The following C4orf50 variants were observed in gnomAD, a reference collection of about 807,000 sequenced individuals.
The protein encoded by C4orf50 is uncharacterized protein C4orf50.
Under a neutral mutation model 77.2 loss-of-function variants are expected in C4orf50, and 80 were observed. The observed-to-expected ratio is 1.04, with a 90% CI of 0.87 to 1.25. The LOEUF (loss-of-function observed/expected upper bound fraction) is 1.25. Among genes scored for constraint, C4orf50 ranks in the 50% most tolerant of loss-of-function variants. The probability of loss-of-function intolerance (pLI) is 0.00; values close to 1 mark genes in which losing one functional copy is unlikely to be tolerated. For synonymous variants in C4orf50, 532 were observed against 465.3 expected, an observed-to-expected ratio of 1.14 and a Z score of -1.84; for missense variants, 1,257 against 1,152.9, an observed-to-expected ratio of 1.09 and a Z score of -1.31.
chr4:5,954,858 G>A (rs1718882663), downstream of C4orf50, among the ~76,000 whole-genome samples: 1 of 152,152 alleles, frequency 6.6e-6, no homozygotes, highest in Admixed American at 6.5e-5. This position sits in a 1 kb window ranked among gnomAD's most constrained non-coding sequence, Gnocchi z 4.7. Context: ...CAGAGATGCT[G>A]GTTGGGAGAG....
intron 7 of C4orf50, among the ~76,000 whole-genome samples, chr4:5,929,390 G>C (rs777464557): frequency 9.9e-5 from 15 of 152,134 alleles, no homozygotes; most frequent in Non-Finnish European, 1.9e-4. Flanking sequence ...CAACAACCAA[G>C]GTAGCCAGAA....
rs546955581 is a variant in C4orf50, at chr4:5,992,821, G to A, written c.1203C>T (p.Ala401=). 67 of 399,124 alleles carry A rather than the reference G, an allele frequency of 1.7e-4. No individual in the cohort carries two copies. Among genetic ancestry groups the A allele is most frequent in the Non-Finnish European group, 2.7e-4 (61 of 226,126 alleles). 24.7% of individuals were successfully genotyped at this position (399,124 alleles called of 1,614,324 possible). ...GCCTCACCTGTTCACGGTTGGATCC[G>A]GCCAGGTCTCTGGGGAGCTCGCTTG... The change falls in exon 27 of 34, where the codon GCC becomes GCT. Residue 401 remains alanine, a synonymous_variant. Coordinates refer to ENST00000531445, the Ensembl canonical transcript of C4orf50. The surrounding 1 kb of genome is among the most constrained non-coding windows in gnomAD (Gnocchi z 5.0).
chr4:5,910,791 T>C (rs1716769309), intron 7 of C4orf50, among the ~76,000 whole-genome samples: 1 of 152,158 alleles, frequency 6.6e-6, no homozygotes, highest in African/African-American at 2.4e-5. Context: ...GCTCTCTTTT[T>C]TGTTGTTGTC....
downstream of C4orf50, among the ~76,000 whole-genome samples, chr4:5,953,009 A>G (rs972786176): frequency 4.6e-5 from 7 of 152,126 alleles, no homozygotes; most frequent in Middle Eastern, 3.2e-3. Context: ...GATGAGCACT[A>G]TTTTCGGGTG....
At chr4:5,971,206 C>T (rs1439291807) in intron 31 of C4orf50, among the ~76,000 whole-genome samples, 1 of 152,232 alleles carries the variant, frequency 6.6e-6, no homozygotes, top group Admixed American at 6.5e-5. Flanking sequence ...GGGCTCCTAG[C>T]CAGAGCCCAA....
At chr4:5,974,177 A>G (rs1720116434) in intron 30 of C4orf50, among the ~76,000 whole-genome samples, 2 of 152,116 alleles carry the variant, frequency 1.3e-5, no homozygotes, top group African/African-American at 4.8e-5. Flanking sequence ...CATCTGTACA[A>G]TGGGCTTTGT....
Position 6,018,222 on chromosome 4 carries a change from C to T in C4orf50, c.210G>A (p.Arg70=), listed in dbSNP as rs771254984. The T allele has an allele frequency of 2.0e-5, 8 of 399,038 alleles. No individual in the cohort carries two copies. Among genetic ancestry groups the T allele is most frequent in the Non-Finnish European group, 3.1e-5 (7 of 226,074 alleles). 24.7% of individuals were successfully genotyped at this position (399,038 alleles called of 1,614,324 possible). A position where few individuals can be genotyped will look rare whatever the true frequency, so the allele number is the denominator to read the frequency against. ...GCTTCTGCTCGGAGGACTCCAGCTGCCTCCTGAGCGCACCCATATCCATGT... is the reference window on the plus strand; with the variant it reads ...GCTTCTGCTCGGAGGACTCCAGCTGTCTCCTGAGCGCACCCATATCCATGT... The change falls in exon 23 of 34, where the codon AGG becomes AGA. Residue 70 remains arginine, a synonymous_variant. Transcript: ENST00000531445. The surrounding 1 kb of genome is among the most constrained non-coding windows in gnomAD (Gnocchi z 5.1).
chr4:5,993,538 C>T (rs779650569), intron 26 of C4orf50, among the ~76,000 whole-genome samples: 8 of 152,198 alleles, frequency 5.3e-5, no homozygotes, highest in East Asian at 1.9e-4. Context: ...GGGCTCAAGC[C>T]GGGTGTGGTG....
chr4:6,012,846 C>T (rs978262289), intron 23 of C4orf50, among the ~76,000 whole-genome samples: 1 of 152,208 alleles, frequency 6.6e-6, no homozygotes, highest in South Asian at 2.1e-4. Context: ...TTCCAAGTCC[C>T]CTTAATGTGT....
chr4:5,924,090 T>C lies in C4orf50; in HGVS notation c.*2475-25902A>G, dbSNP rs371370960. 8.4e-4 allele frequency among the ~76,000 whole-genome samples: 128 copies of C among 152,334 alleles called. 1 individual carries two copies. Among genetic ancestry groups the C allele is most frequent in the African/African-American group, 3.0e-3 (124 of 41,572 alleles). ...GGGCTCTCGGGCCTTGGGCCACAGA[T>C]TGAAGTCTGCACTGTCAGCTTCCCT... On this transcript the variant is annotated intron_variant, in intron 7 of 7. Coordinates refer to the C4orf50 transcript ENST00000324058.
At chr4:5,940,991 A>G (rs574986419) in intron 7 of C4orf50, among the ~76,000 whole-genome samples, 1 of 152,268 alleles carries the variant, frequency 6.6e-6, no homozygotes, top group South Asian at 2.1e-4. Context: ...CTGATGAATG[A>G]CCCAAGTGAG....
chr4:6,012,679 C>T (rs1722536471), intron 23 of C4orf50, among the ~76,000 whole-genome samples: 1 of 152,156 alleles, frequency 6.6e-6, no homozygotes, highest in Non-Finnish European at 1.5e-5. Context: ...CAGGCATAGA[C>T]ATAGAACCCA....
At chr4:5,941,036 A>C (rs1173524432) in intron 7 of C4orf50, among the ~76,000 whole-genome samples, 1 of 152,224 alleles carries the variant, frequency 6.6e-6, no homozygotes, top group African/African-American at 2.4e-5. Flanking sequence ...GCCAATCTAC[A>C]TCTAATGTGT....
chr4:5,903,772 T>G, intron 7 of C4orf50: 1 of 152,204 alleles, frequency 6.6e-6, no homozygotes, highest in East Asian at 1.9e-4. Flanking sequence ...AAATGGATAC[T>G]TAAAAATGAT....
At position 5,994,496 on chromosome 4, in the gene C4orf50, G is replaced by A. The variant is rs1721470065; in HGVS notation, c.964-20C>T. ...AGCATCCTGGAGGAAGACAGAGGAAGTCAGGAGCCGTCAGTGTCCTGGCTG... is the reference window on the plus strand; with the variant it reads ...AGCATCCTGGAGGAAGACAGAGGAAATCAGGAGCCGTCAGTGTCCTGGCTG... On this transcript the variant is annotated intron_variant, in intron 25 of 33. Transcript: ENST00000531445. 5.0e-6 allele frequency: 2 copies of A among 399,102 alleles called. No homozygotes were observed. The highest frequency in any genetic ancestry group is 8.8e-6 in the Non-Finnish European group (2 of 226,190). 24.7% of individuals were successfully genotyped at this position (399,102 alleles called of 1,614,324 possible).
chr4:5,925,235 C>T (rs1267872724), intron 7 of C4orf50, among the ~76,000 whole-genome samples: 1 of 149,884 alleles, frequency 6.7e-6, no homozygotes, highest in African/African-American at 2.5e-5. Flanking sequence ...TGGCGCTCGG[C>T]AAGGGGAGAC....
intron 29 of C4orf50, among the ~76,000 whole-genome samples, chr4:5,976,457 G>GAAAAA (rs138450804): frequency 5.4e-5 from 5 of 93,100 alleles, no homozygotes; most frequent in African/African-American, 8.9e-5. Flanking sequence ...CTCTGTCTCG[G>GAAAAA]AAAAAAAAAA....
downstream of C4orf50, among the ~76,000 whole-genome samples, chr4:5,952,381 T>G (rs540363098): frequency 6.6e-6 from 1 of 152,236 alleles, no homozygotes; most frequent in African/African-American, 2.4e-5. This position sits in a 1 kb window ranked among gnomAD's most constrained non-coding sequence, Gnocchi z 4.4. Flanking sequence ...CCAGCCGAAT[T>G]GCACCCCAGA....
chr4:5,936,387 C>A (rs1718014682), intron 7 of C4orf50, among the ~76,000 whole-genome samples: 1 of 151,856 alleles, frequency 6.6e-6, no homozygotes, highest in Non-Finnish European at 1.5e-5. Flanking sequence ...CATGGTGAAA[C>A]CCTGTCTCTA....
Sources: gnomAD v4.1 joint callset for allele counts (sites outside exome capture counted in the v4.1 genomes callset) on GRCh38, gnomAD v4.1.1 for gene constraint, Gnocchi (gnomAD v3.1) non-coding constraint, MANE v1.5 for transcripts, NCBI Gene and HGNC (gene_info 2026-07-23, HGNC 2026-07-21) for gene names.